MYO18A: variants seen among roughly 807,000 people sequenced by gnomAD.
MYO18A encodes the protein unconventional myosin-XVIIIa.
A neutral mutation model predicts 235.8 loss-of-function variants in MYO18A; 78 were observed. That is an observed-to-expected ratio of 0.33 (90% CI 0.28 to 0.40). MYO18A has a LOEUF of 0.40. Among genes scored for constraint, MYO18A ranks in the 10% least tolerant of loss-of-function variants. The pLI is 1.00. For synonymous variants in MYO18A, 977 were observed against 1,077.8 expected (o/e 0.91, Z 1.83); for missense variants, 2,215 against 2,699.3 (o/e 0.82, Z 3.98).
chr17:29,136,248 A>ATATAT (rs1207210720), intron 2 of MYO18A, among the ~76,000 whole-genome samples: 23 of 74,602 alleles, frequency 3.1e-4, no homozygotes, highest in African/African-American at 3.8e-4. Context: ...AAAAAAAAAA[A>ATATAT]AAATATATAT....
chr17:29,155,961 C>A (rs907086509), intron 2 of MYO18A, among the ~76,000 whole-genome samples: 1 of 152,176 alleles, frequency 6.6e-6, no homozygotes, highest in Non-Finnish European at 1.5e-5. Context: ...CCAGTCAGAG[C>A]GGGAAGGTTC....
At chr17:29,132,556 T>A (rs2067497878) in intron 2 of MYO18A, among the ~76,000 whole-genome samples, 1 of 152,130 alleles carries the variant, frequency 6.6e-6, no homozygotes, top group Admixed American at 6.5e-5. Context: ...GAAAAAATCT[T>A]TAGAAACATC....
At chr17:29,082,288 TCCTC>T (rs753489523) in intron 41 of MYO18A, 24 bp downstream of exon 41, 1 of 1,613,158 alleles carries the variant, frequency 6.2e-7, no homozygotes, top group South Asian at 1.1e-5. Context: ...AGGTGGCTTT[TCCTC>T]CCAGCTCAAG....
At position 29,073,761 on chromosome 17, in the gene MYO18A, G is replaced by T; in HGVS notation, c.*1009C>A. 7.5e-7 allele frequency: 1 copy of T among 1,330,976 alleles called. No homozygotes were observed. Among genetic ancestry groups the T allele is most frequent in the Non-Finnish European group, 1.0e-6 (1 of 961,882 alleles). 82.4% of individuals were successfully genotyped at this position (1,330,976 alleles called of 1,614,324 possible). On this transcript the variant is annotated 3_prime_UTR_variant, in exon 42 of 42. Transcript: ENST00000527372. ...GTGTGTGGGGGCAGGGAGGTTGGAA[G>T]AATGACACGGGCTCAGGACACAGAG...
In MYO18A at chr17:29,071,997, C is replaced by T. The variant is rs1222380793; in HGVS notation, c.*2773G>A. On this transcript the variant is annotated 3_prime_UTR_variant, in exon 42 of 42. Coordinates refer to ENST00000527372, the MANE Select transcript of MYO18A (RefSeq NM_078471.4). ...TTTCTGACTTGAACAAAGCTTTTTA[C>T]CCCAGGCCGGGTTATTGGAGGTTGA... 11 of 152,156 alleles carry T rather than the reference C, an allele frequency of 7.2e-5. No individual in the cohort carries two copies. The highest frequency in any genetic ancestry group is 7.2e-4 in the Admixed American group (11 of 15,274). 9.4% of individuals were successfully genotyped at this position (152,156 alleles called of 1,614,324 possible).
chr17:29,114,063 G>T lies in MYO18A; in HGVS notation c.2546C>A (p.Pro849His). ...AGCAGCCACAGAGTCATCCGTCGGG[G>T]GTTCCAAGTCGTCAAACGCCAGCTC... is the stretch of plus-strand genomic sequence containing the variant. ...NIELAFDDLE[P>H]PTDDSVAAVD... The change falls in exon 15 of 42, where the codon CCC (proline) becomes CAC (histidine). Residue 849 changes from proline to histidine, a missense_variant. Transcript: ENST00000527372. 6.2e-7 allele frequency: 1 copy of T among 1,602,790 alleles called. No individual in the cohort carries two copies. Among genetic ancestry groups the T allele is most frequent in the Non-Finnish European group, 8.5e-7 (1 of 1,174,902 alleles).
intron 33 of MYO18A, 112 bp downstream of exon 33, chr17:29,092,743 G>T: frequency 6.9e-7 from 1 of 1,451,050 alleles, no homozygotes. Context: ...CCTCTTTCCT[G>T]TCACTTTCCT....
rs1253232465 is a variant in MYO18A at position 29,126,554 on chromosome 17, T to C, written c.1000-4301A>G. 1.3e-5 allele frequency among the ~76,000 whole-genome samples: 2 copies of C among 152,072 alleles called. No individual in the cohort carries two copies. Among genetic ancestry groups the C allele is most frequent in the African/African-American group, 4.8e-5 (2 of 41,390 alleles). On this transcript the variant is annotated intron_variant, in intron 2 of 41. Transcript: ENST00000527372. The surrounding 1 kb of genome is among the most constrained non-coding windows in gnomAD (Gnocchi z 4.1). ...TAAGTGCTGCAATGCCCAGGAAGAATGGGGAGCAACAAGGCTCCCCAGGTC... is the reference window on the plus strand; with the variant it reads ...TAAGTGCTGCAATGCCCAGGAAGAACGGGGAGCAACAAGGCTCCCCAGGTC...
In MYO18A at chr17:29,166,000, C is replaced by G. The variant is rs368968661; in HGVS notation, c.941G>C (p.Ser314Thr). ...CCGCAGCCAGCTCCTGCTGAGCTCG[C>G]TGAGCTCTGGAATGGGCTGCACCTT... ...RLKVQPIPEL[S>T]ELSRSWLRSG... The change falls in exon 2 of 42, where the codon AGC becomes ACC. Residue 314 changes from serine to threonine, a missense_variant. Transcript: ENST00000527372. The G allele has an allele frequency of 5.0e-6, 8 of 1,613,614 alleles. No homozygotes were observed. The African/African-American group carries it at 9.3e-5, about 19-fold the overall frequency.
At position 29,092,983 on chromosome 17, in the gene MYO18A, C is replaced by CA; in HGVS notation, c.4944dup (p.Glu1649Ter). On this transcript the variant is annotated frameshift_variant, in exon 33 of 42. Transcript: ENST00000527372. LOFTEE classifies it high-confidence loss of function. The stretch of plus-strand genomic sequence containing the variant: ...TCCTTCCGCAGCCGCTTCTCTGACT[C>CA]AAAGTCCCGCCGGTTCACCTGGGTG... The CA allele has an allele frequency of 6.2e-7, 1 of 1,613,388 alleles. No individual in the cohort carries two copies. The highest frequency in any genetic ancestry group is 8.5e-7 in the Non-Finnish European group (1 of 1,179,766).
intron 1 of MYO18A, among the ~76,000 whole-genome samples, chr17:29,169,078 G>A (rs1181234809): frequency 5.9e-5 from 9 of 151,944 alleles, no homozygotes; most frequent in Non-Finnish European, 1.2e-4. Context: ...GCTGAGGCAT[G>A]AGAATCACTT....
intron 30 of MYO18A, 178 bp downstream of exon 30, chr17:29,094,472 C>T (rs9890030): frequency 0.17 from 111,248 of 663,640 alleles, 10,278 homozygotes; most frequent in South Asian, 0.27. Flanking sequence ...TCCACGAGCG[C>T]GTCTTCACAC....
In MYO18A at chr17:29,072,943, A is replaced by C. The variant is rs1027078142; in HGVS notation, c.*1827T>G. 1.3e-5 allele frequency: 2 copies of C among 152,120 alleles called. No individual in the cohort carries two copies. Among genetic ancestry groups the C allele is most frequent in the Non-Finnish European group, 2.9e-5 (2 of 68,026 alleles). The allele number at this position is 152,120 out of a possible 1,614,324, so 9.4% of individuals were successfully genotyped here. ...AGGGACCGAGCAGGGCAGAGACAGC[A>C]CTCCCAACCTATTCACATTGCCCTG... On this transcript the variant is annotated 3_prime_UTR_variant, in exon 42 of 42. Transcript: ENST00000527372.
chr17:29,078,024 A>T (rs1002184468), intron 41 of MYO18A: 16 of 151,906 alleles, frequency 1.1e-4, no homozygotes, highest in African/African-American at 3.1e-4. Flanking sequence ...ATATATATAT[A>T]TATTTTTTGA....
rs371862120 is a variant in MYO18A at position 29,121,641 on chromosome 17, C to T, written c.1277G>A (p.Arg426His). Residue 426 changes from arginine (R) to histidine (H), a missense_variant, in exon 5 of 42, where the codon CGC becomes CAC. Transcript: ENST00000527372. The surrounding 1 kb of genome is among the most constrained non-coding windows in gnomAD (Gnocchi z 4.2). Reference protein sequence around the residue: ...LNESSVLHTLRQRYGASLLHT... With the variant: ...LNESSVLHTLHQRYGASLLHT... ...CAGCAGGCTAGCGCCATAGCGCTGG[C>T]GCAAGGTGTGCAGGACGCTGGACTC... 6.9e-5 allele frequency: 109 copies of T among 1,575,978 alleles called. 1 individual carries two copies. Among genetic ancestry groups the T allele is most frequent in the East Asian group, 9.4e-5 (4 of 42,692 alleles).
At chr17:29,077,622 A>C (rs1265205847) in intron 41 of MYO18A, 1 of 152,252 alleles carries the variant, frequency 6.6e-6, no homozygotes. Flanking sequence ...TGGCCACTCT[A>C]CCAACAGTGA....
At chr17:29,107,033 T>C in intron 20 of MYO18A, 47 bp downstream of exon 20, 2 of 1,569,054 alleles carry the variant, frequency 1.3e-6, no homozygotes, top group Non-Finnish European at 1.8e-6. Flanking sequence ...GGGCAGCTGC[T>C]TGAGGGGCCT....
chr17:29,103,811 G>T, intron 20 of MYO18A, 147 bp from the exon 21 acceptor site: 1 of 694,268 alleles, frequency 1.4e-6, no homozygotes, highest in Admixed American at 2.5e-5. Context: ...GTCAGGCACT[G>T]GGTTGGACTC....
At chr17:29,148,827 GC>G (rs1014688872) in intron 2 of MYO18A, among the ~76,000 whole-genome samples, 1 of 152,182 alleles carries the variant, frequency 6.6e-6, no homozygotes, top group African/African-American at 2.4e-5. Flanking sequence ...AACGGCGCAT[GC>G]CCAGGGCCAC....
Sources: allele counts gnomAD v4.1 joint callset (sites outside exome capture counted in the v4.1 genomes callset), GRCh38; gene constraint gnomAD v4.1.1; non-coding constraint Gnocchi (gnomAD v3.1); transcripts MANE v1.5; gene names NCBI Gene and HGNC (gene_info 2026-07-23, HGNC 2026-07-21).